CRY1: variants seen among roughly 807,000 people sequenced by gnomAD.
CRY1 encodes the protein cryptochrome circadian regulator 1, also known as cryptochrome-1.
CRY1 carries 45 observed loss-of-function variants against 76.0 expected under a neutral mutation model. That is an observed-to-expected ratio of 0.59 (90% confidence interval 0.47 to 0.76). The LOEUF is 0.76. CRY1 is among the 30% of genes least tolerant of loss of function. The pLI is 0.00. For missense variants in CRY1, 587 were observed against 716.4 expected (o/e 0.82, Z 2.06); for synonymous variants, 248 against 244.0 (o/e 1.02, Z -0.15).
chr12:107,033,931 AG>A (rs1285237543), intron 1 of CRY1, among the ~76,000 whole-genome samples: 1 of 150,886 alleles, frequency 6.6e-6, no homozygotes, highest in Admixed American at 6.6e-5. Flanking sequence ...ACACATTTTG[AG>A]TGCTGACACT....
At chr12:107,062,081 A>G (rs1014484780) in intron 1 of CRY1, among the ~76,000 whole-genome samples, 1 of 151,630 alleles carries the variant, frequency 6.6e-6, no homozygotes, top group Non-Finnish European at 1.5e-5. Context: ...AAACCCTATT[A>G]TCTTATCCTC....
At chr12:107,064,027 T>C (rs1593533486) in intron 1 of CRY1, among the ~76,000 whole-genome samples, 1 of 152,174 alleles carries the variant, frequency 6.6e-6, no homozygotes, top group South Asian at 2.1e-4. Context: ...AAACTGAGAG[T>C]ATACTTATTT....
intron 1 of CRY1, among the ~76,000 whole-genome samples, chr12:107,076,878 C>T (rs1312006254): frequency 1.3e-5 from 2 of 151,970 alleles, no homozygotes; most frequent in Admixed American, 6.6e-5. Context: ...GTAGCACCTC[C>T]CCCCGACTCT....
chr12:106,992,346 T>C (rs1448134685), intron 12 of CRY1: 1 of 152,472 alleles, frequency 6.6e-6, no homozygotes, highest in Non-Finnish European at 1.5e-5. Context: ...TTGGAAATAA[T>C]TTAGATTTTA....
rs968923018 is a variant in CRY1, at chr12:106,991,579, G to A, written c.*423C>T. 2 of 152,534 alleles carry A rather than the reference G, an allele frequency of 1.3e-5. No homozygotes were observed. Among genetic ancestry groups the A allele is most frequent in the African/African-American group, 2.4e-5 (1 of 41,448 alleles). The allele number at this position is 152,534 out of a possible 1,614,324, so 9.4% of individuals were successfully genotyped here. Reference sequence around the variant, plus strand: ...AAACATTATTATCAAAGAGTGCAAAGTTAGATCAAACAACATCAAGAAAAT... The same window carrying A: ...AAACATTATTATCAAAGAGTGCAAAATTAGATCAAACAACATCAAGAAAAT... On this transcript the variant is annotated 3_prime_UTR_variant, in exon 13 of 13. Transcript: ENST00000008527.
At chr12:107,085,565 A>C (rs878985640) in intron 1 of CRY1, among the ~76,000 whole-genome samples, 1 of 152,208 alleles carries the variant, frequency 6.6e-6, no homozygotes, top group Non-Finnish European at 1.5e-5. Flanking sequence ...ACATAGGAAC[A>C]GAAAACCAAA....
At chr12:107,062,585 T>C (rs1211446570) in intron 1 of CRY1, among the ~76,000 whole-genome samples, 1 of 152,196 alleles carries the variant, frequency 6.6e-6, no homozygotes, top group Non-Finnish European at 1.5e-5. Flanking sequence ...TCTCCTGGTT[T>C]TTCTGTGATA....
At chr12:107,050,438 CG>C (rs1461918424) in intron 1 of CRY1, 2 of 152,180 alleles carry the variant, frequency 1.3e-5, no homozygotes, top group East Asian at 3.9e-4. Context: ...CGTCATGATG[CG>C]TGAGTTTTCA....
Position 107,015,942 on chromosome 12 carries a change from A to G in CRY1, c.267+6142T>C, listed in dbSNP as rs557067044. Among the ~76,000 whole-genome samples the G allele has an allele frequency of 5.3e-5, 8 of 152,324 alleles. No homozygotes were observed. In the South Asian group the frequency reaches 1.2e-3, roughly 24 times the overall value. ...CTCAAGCACTTGGCAATTTTAAGCA[A>G]TAAGATTTGTATCTATTTTTGTGTA... On this transcript the variant is annotated intron_variant, in intron 2 of 12. Coordinates refer to ENST00000008527, the MANE Select transcript of CRY1 (RefSeq NM_004075.5).
intron 1 of CRY1, among the ~76,000 whole-genome samples, chr12:107,067,278 C>T (rs1953124417): frequency 6.6e-6 from 1 of 152,132 alleles, no homozygotes; most frequent in African/African-American, 2.4e-5. Context: ...AACTGTCTAA[C>T]TCTTCAAGAA....
At chr12:107,030,197 A>C (rs1952660335) in intron 1 of CRY1, among the ~76,000 whole-genome samples, 2 of 152,346 alleles carry the variant, frequency 1.3e-5, no homozygotes. Flanking sequence ...GTCAATGAAG[A>C]AGGAACAAGA....
intron 3 of CRY1, among the ~76,000 whole-genome samples, chr12:107,002,889 T>C (rs1047065888): frequency 3.9e-5 from 6 of 152,196 alleles, no homozygotes; most frequent in Non-Finnish European, 5.9e-5. Flanking sequence ...CTGTCATCCA[T>C]GTAAGACATG....
chr12:107,005,315 A>G (rs554544218), intron 2 of CRY1, 67 bp from the exon 3 acceptor site: 1 of 1,495,446 alleles, frequency 6.7e-7, no homozygotes, highest in African/African-American at 1.4e-5. Context: ...TATAACGAAA[A>G]GTGAAAAAGC....
At chr12:107,091,661 G>A (rs534226735) in intron 1 of CRY1, among the ~76,000 whole-genome samples, 1 of 152,140 alleles carries the variant, frequency 6.6e-6, no homozygotes, top group East Asian at 1.9e-4. Context: ...TGCTTATAAG[G>A]CTCTCTTCAA....
chr12:107,037,980 A>G (rs2136863456), intron 1 of CRY1, among the ~76,000 whole-genome samples: 1 of 152,284 alleles, frequency 6.6e-6, no homozygotes, highest in East Asian at 1.9e-4. Flanking sequence ...AAGCATTAGG[A>G]TTACAGGTGT....
chr12:106,993,800 C>G (rs1233222903), intron 10 of CRY1, among the ~76,000 whole-genome samples: 1 of 151,898 alleles, frequency 6.6e-6, no homozygotes, highest in Non-Finnish European at 1.5e-5. Context: ...TTGCATTTCC[C>G]TAATGACTAA....
At chr12:107,064,949 A>G (rs1324076167) in intron 1 of CRY1, among the ~76,000 whole-genome samples, 1 of 152,220 alleles carries the variant, frequency 6.6e-6, no homozygotes, top group Non-Finnish European at 1.5e-5. Context: ...ATATCAAGCC[A>G]AACAACAGAT....
intron 1 of CRY1, among the ~76,000 whole-genome samples, chr12:107,090,410 C>G (rs1236215745): frequency 6.6e-6 from 1 of 152,184 alleles, no homozygotes; most frequent in Non-Finnish European, 1.5e-5. Flanking sequence ...TTCTAAGACA[C>G]CATACTCTTC....
chr12:107,057,442 C>T (rs1952997230), intron 1 of CRY1, among the ~76,000 whole-genome samples: 1 of 152,222 alleles, frequency 6.6e-6, no homozygotes, highest in East Asian at 1.9e-4. Context: ...AATCTAACAT[C>T]AGGAGTGAGG....
Sources: gnomAD v4.1 joint callset for allele counts (sites outside exome capture counted in the v4.1 genomes callset) on GRCh38, gnomAD v4.1.1 for gene constraint, MANE v1.5 for transcripts, NCBI Gene and HGNC (gene_info 2026-07-23, HGNC 2026-07-21) for gene names.